GALNT13: variants seen among roughly 807,000 people sequenced by gnomAD.
GALNT13 encodes polypeptide N-acetylgalactosaminyltransferase 13, also known as UDP-GalNAc:polypeptide N-acetylgalactosaminyltransferase 13.
GALNT13 carries 28 observed loss-of-function variants against 64.2 expected under a neutral mutation model. The observed-to-expected ratio is 0.44, with a 90% CI of 0.32 to 0.60. The LOEUF (loss-of-function observed/expected upper bound fraction) is 0.60. GALNT13 is among the 20% of genes least tolerant of loss of function. The pLI, the probability that GALNT13 is intolerant of heterozygous loss-of-function variation, is 0.05. For synonymous variants in GALNT13, 214 were observed against 224.6 expected, an observed-to-expected ratio of 0.95 and a Z score of 0.42; for missense variants, 577 against 669.8, an observed-to-expected ratio of 0.86 and a Z score of 1.53.
intron 2 of GALNT13, among the ~76,000 whole-genome samples, chr2:153,902,330 A>C (rs558632458): frequency 1.3e-5 from 2 of 152,226 alleles, no homozygotes; most frequent in South Asian, 2.1e-4. Flanking sequence ...CTGGAAGACA[A>C]AGCTAGTGAT....
chr2:154,351,095 C>A (rs707030), intron 9 of GALNT13, among the ~76,000 whole-genome samples: 1 of 151,866 alleles, frequency 6.6e-6, no homozygotes, highest in Non-Finnish European at 1.5e-5. Flanking sequence ...TCACGTGTGC[C>A]ATGTAAGAGC....
chr2:153,113,184 T>C, the GALNT13 span, among the ~76,000 whole-genome samples: 2 of 152,082 alleles, frequency 1.3e-5, no homozygotes, highest in South Asian at 4.1e-4. Flanking sequence ...CTGGCAAGAT[T>C]CTTGAATGTC....
the GALNT13 span, among the ~76,000 whole-genome samples, chr2:153,579,663 T>A: frequency 2.0e-5 from 3 of 152,164 alleles, no homozygotes; most frequent in Non-Finnish European, 4.4e-5. Flanking sequence ...TGTACTGGTC[T>A]GTGGCCTGTT....
At chr2:153,525,468 G>C in the GALNT13 span, among the ~76,000 whole-genome samples, 1 of 152,182 alleles carries the variant, frequency 6.6e-6, no homozygotes, top group African/African-American at 2.4e-5. Flanking sequence ...ACCTGTACTA[G>C]AACCAGGCCA....
At chr2:154,110,354 GAGAGAGAGA>G (rs1702901660) in intron 3 of GALNT13, among the ~76,000 whole-genome samples, 1 of 92,958 alleles carries the variant, frequency 1.1e-5, no homozygotes, top group Non-Finnish European at 2.0e-5. Flanking sequence ...GAGAGAGAGA[GAGAGAGAGA>G]GAGAGAGAGA....
the GALNT13 span, among the ~76,000 whole-genome samples, chr2:153,442,893 C>T: frequency 6.6e-6 from 1 of 152,172 alleles, no homozygotes; most frequent in Non-Finnish European, 1.5e-5. Flanking sequence ...GGACAGCCCT[C>T]CCCTTACCAA....
the GALNT13 span, among the ~76,000 whole-genome samples, chr2:153,524,917 T>A: frequency 1.3e-5 from 2 of 152,072 alleles, no homozygotes; most frequent in Admixed American, 1.3e-4. Flanking sequence ...CTAGCCAGAG[T>A]AGCTAGAGGA....
chr2:153,106,185 A>T, the GALNT13 span, among the ~76,000 whole-genome samples: 1 of 152,166 alleles, frequency 6.6e-6, no homozygotes, highest in East Asian at 1.9e-4. Flanking sequence ...CCTTGACAAC[A>T]CTTGGATTTC....
the GALNT13 span, among the ~76,000 whole-genome samples, chr2:153,630,808 T>TATATATA: frequency 5.9e-5 from 1 of 16,982 alleles, no homozygotes; most frequent in Non-Finnish European, 9.6e-5. Context: ...TATATATATA[T>TATATATA]TTTTTTTTTT....
At chr2:154,276,547 T>C (rs1447373978) in intron 8 of GALNT13, among the ~76,000 whole-genome samples, 1 of 152,108 alleles carries the variant, frequency 6.6e-6, no homozygotes, top group Non-Finnish European at 1.5e-5. Flanking sequence ...GACTGTGACT[T>C]TTGAGTTAAT....
At chr2:153,851,113 TATC>T in the GALNT13 span, among the ~76,000 whole-genome samples, 2 of 152,060 alleles carry the variant, frequency 1.3e-5, no homozygotes, top group South Asian at 4.1e-4. Context: ...TACCATAACT[TATC>T]ATAATCAAAT....
chr2:153,999,450 T>G (rs567538700), intron 3 of GALNT13, among the ~76,000 whole-genome samples: 1 of 152,136 alleles, frequency 6.6e-6, no homozygotes, highest in South Asian at 2.1e-4. Context: ...TAGCTGTGGG[T>G]TTATCATATA....
At chr2:154,168,673 TAAAA>T (rs70983708) in intron 4 of GALNT13, among the ~76,000 whole-genome samples, 10 of 101,076 alleles carry the variant, frequency 9.9e-5, no homozygotes, top group Non-Finnish European at 1.1e-4. Context: ...TCTCTACTAT[TAAAA>T]AAAAAAAAAA....
At chr2:153,581,154 G>A in the GALNT13 span, among the ~76,000 whole-genome samples, 3 of 152,050 alleles carry the variant, frequency 2.0e-5, no homozygotes, top group Non-Finnish European at 2.9e-5. Flanking sequence ...GGGACATTGA[G>A]TTGCCCTGTA....
At chr2:154,189,899 A>G (rs892294724) in intron 4 of GALNT13, among the ~76,000 whole-genome samples, 5 of 152,218 alleles carry the variant, frequency 3.3e-5, no homozygotes, top group Non-Finnish European at 7.3e-5. Flanking sequence ...GTTTATACCT[A>G]TAACAGTGCT....
At chr2:153,476,210 A>C in the GALNT13 span, among the ~76,000 whole-genome samples, 1 of 152,224 alleles carries the variant, frequency 6.6e-6, no homozygotes, top group African/African-American at 2.4e-5. Context: ...ATGGACACTT[A>C]ATAGTGGATA....
intron 8 of GALNT13, among the ~76,000 whole-genome samples, chr2:154,293,045 C>T (rs554929233): frequency 6.6e-6 from 1 of 152,052 alleles, no homozygotes; most frequent in Admixed American, 6.5e-5. Flanking sequence ...TATCTGAGAA[C>T]AAAGACAAGC....
At chr2:153,252,853 C>T in the GALNT13 span, among the ~76,000 whole-genome samples, 18 of 152,180 alleles carry the variant, frequency 1.2e-4, 1 homozygote, top group South Asian at 2.1e-4. Context: ...ACCAGCACCA[C>T]GCTGTTTTGG....
chr2:153,919,257 A>G (rs2105332905), intron 2 of GALNT13, among the ~76,000 whole-genome samples: 1 of 151,952 alleles, frequency 6.6e-6, no homozygotes, highest in Admixed American at 6.6e-5. Context: ...CATGTCTTCA[A>G]TTTCCATTGA....
Sources: gnomAD v4.1 joint callset for allele counts (sites outside exome capture counted in the v4.1 genomes callset) on GRCh38, gnomAD v4.1.1 for gene constraint, MANE v1.5 for transcripts, NCBI Gene and HGNC (gene_info 2026-07-23, HGNC 2026-07-21) for gene names.